Variants in ERBB4 observed in about 807,000 individuals in gnomAD.
ERBB4 encodes receptor tyrosine-protein kinase erbB-4.
Under a neutral mutation model 158.0 loss-of-function variants are expected in ERBB4, and 42 were observed. That is an observed-to-expected ratio of 0.27 (90% CI 0.21 to 0.34). The LOEUF (loss-of-function observed/expected upper bound fraction) is 0.34, where lower values mean the gene tolerates loss of function less well. Ranked by LOEUF, ERBB4 falls within the 10% of genes least tolerant of loss-of-function variation. ERBB4 has a pLI of 1.00. For missense variants in ERBB4, 1,333 were observed against 1,624.1 expected (o/e 0.82, Z 3.08); for synonymous variants, 583 against 558.7 (o/e 1.04, Z -0.61).
At chr2:211,722,628 T>A in intron 6 of ERBB4, 94 bp from the exon 7 acceptor site, 1 of 1,239,254 alleles carries the variant, frequency 8.1e-7, no homozygotes, top group Non-Finnish European at 1.2e-6. Context: ...TTTTCTATAA[T>A]AATTCCACAA....
chr2:212,283,538 C>A (rs1483886001), intron 1 of ERBB4, among the ~76,000 whole-genome samples: 1 of 151,758 alleles, frequency 6.6e-6, no homozygotes, highest in African/African-American at 2.4e-5. Context: ...ATATGTATCA[C>A]CCCTTAGAGT....
At chr2:212,477,580 T>C (rs558745001) in intron 1 of ERBB4, among the ~76,000 whole-genome samples, 3 of 152,316 alleles carry the variant, frequency 2.0e-5, no homozygotes, top group Admixed American at 6.5e-5. Context: ...TATTTGCTGG[T>C]GACTTTTAAA....
chr2:211,546,145 AC>A (rs147463522), intron 20 of ERBB4, among the ~76,000 whole-genome samples: 11,902 of 152,152 alleles, frequency 0.078, 613 homozygotes, highest in South Asian at 0.12. Context: ...TTAGCCTAAT[AC>A]TTTTAATCAT....
At chr2:211,732,546 T>C (rs569553751) in intron 5 of ERBB4, among the ~76,000 whole-genome samples, 255 of 152,306 alleles carry the variant, frequency 1.7e-3, no homozygotes, top group African/African-American at 5.7e-3. Flanking sequence ...ATGAAGTATA[T>C]ACCCCACATG....
chr2:212,356,245 A>G (rs1212027189), intron 1 of ERBB4, among the ~76,000 whole-genome samples: 3 of 151,980 alleles, frequency 2.0e-5, no homozygotes, highest in African/African-American at 7.2e-5. Flanking sequence ...ATGTTGCTGT[A>G]CTGATCCTCA....
At chr2:212,339,659 A>G (rs2106315944) in intron 1 of ERBB4, among the ~76,000 whole-genome samples, 1 of 152,212 alleles carries the variant, frequency 6.6e-6, no homozygotes, top group African/African-American at 2.4e-5. Flanking sequence ...AAATGCAGCT[A>G]AACTGTGAGA....
intron 1 of ERBB4, among the ~76,000 whole-genome samples, chr2:212,476,177 A>ACACC (rs1560431264): frequency 3.3e-5 from 5 of 150,116 alleles, no homozygotes; most frequent in South Asian, 4.2e-4. Context: ...ACACACACAC[A>ACACC]CCTTTAATGA....
intron 1 of ERBB4, among the ~76,000 whole-genome samples, chr2:212,240,429 G>A (rs1280960578): frequency 1.3e-5 from 2 of 151,664 alleles, no homozygotes; most frequent in Admixed American, 6.6e-5. Context: ...GGCGTATCAC[G>A]AGACCAGCCT....
intron 20 of ERBB4, among the ~76,000 whole-genome samples, chr2:211,498,323 A>G (rs2065526014): frequency 6.6e-6 from 1 of 152,170 alleles, no homozygotes; most frequent in African/African-American, 2.4e-5. Context: ...CAGAATTGGA[A>G]ATATTACACT....
At chr2:212,528,495 G>C (rs553384379) in intron 1 of ERBB4, among the ~76,000 whole-genome samples, 1 of 152,092 alleles carries the variant, frequency 6.6e-6, no homozygotes, top group Non-Finnish European at 1.5e-5. Flanking sequence ...GATTCTTAAA[G>C]TAAAAAAGGT....
intron 1 of ERBB4, among the ~76,000 whole-genome samples, chr2:212,149,346 C>T (rs774852185): frequency 6.6e-6 from 1 of 151,900 alleles, no homozygotes; most frequent in Admixed American, 6.6e-5. Context: ...CTATAGTGCT[C>T]GTCACATGTA....
At chr2:211,552,519 C>A (rs1300113989) in intron 20 of ERBB4, among the ~76,000 whole-genome samples, 2 of 151,848 alleles carry the variant, frequency 1.3e-5, no homozygotes, top group East Asian at 3.9e-4. Flanking sequence ...TTTTTAGAAT[C>A]ACCCTTTCAA....
At chr2:211,590,809 G>A (rs867793624) in intron 19 of ERBB4, among the ~76,000 whole-genome samples, 1 of 152,192 alleles carries the variant, frequency 6.6e-6, no homozygotes, top group Admixed American at 6.5e-5. Context: ...AACCCATTGG[G>A]TGCTTACAAA....
At chr2:212,370,853 C>T (rs1034017192) in intron 1 of ERBB4, among the ~76,000 whole-genome samples, 18 of 152,136 alleles carry the variant, frequency 1.2e-4, no homozygotes, top group Non-Finnish European at 2.4e-4. Flanking sequence ...ATTTATCCCA[C>T]TTCTCAGTCT....
intron 7 of ERBB4, among the ~76,000 whole-genome samples, chr2:211,722,008 G>A (rs535024694): frequency 1.3e-5 from 2 of 152,160 alleles, no homozygotes; most frequent in Admixed American, 6.5e-5. Flanking sequence ...GGCTACAGGC[G>A]CCCGCCACCA....
chr2:211,940,672 T>C (rs959722289), intron 3 of ERBB4, among the ~76,000 whole-genome samples: 1 of 152,142 alleles, frequency 6.6e-6, no homozygotes, highest in Non-Finnish European at 1.5e-5. Context: ...GGAGCTGAAT[T>C]ATATGCCCTG....
At chr2:212,339,628 C>T (rs2088608064) in intron 1 of ERBB4, among the ~76,000 whole-genome samples, 1 of 152,132 alleles carries the variant, frequency 6.6e-6, no homozygotes, top group Non-Finnish European at 1.5e-5. Context: ...GTTTCTTTCA[C>T]TGAGTGAGCT....
chr2:211,665,502 A>AT (rs2071596673), intron 14 of ERBB4, 25 bp from the exon 15 acceptor site: 1 of 1,611,502 alleles, frequency 6.2e-7, no homozygotes, highest in South Asian at 1.1e-5. Flanking sequence ...CGAAAAAAAA[A>AT]GAAAAAAGAA....
chr2:211,861,123 T>TATATATATA (rs1559585953), intron 3 of ERBB4, among the ~76,000 whole-genome samples: 3 of 15,546 alleles, frequency 1.9e-4, no homozygotes, highest in Non-Finnish European at 3.3e-4. Context: ...ATATATATAT[T>TATATATATA]TTATATATAT....
Sources: gnomAD v4.1 joint callset for allele counts (sites outside exome capture counted in the v4.1 genomes callset) on GRCh38, gnomAD v4.1.1 for gene constraint, MANE v1.5 for transcripts, NCBI Gene and HGNC (gene_info 2026-07-23, HGNC 2026-07-21) for gene names.